The following DPP10 variants were observed in gnomAD, a reference collection of about 807,000 sequenced individuals.
DPP10 encodes the protein inactive dipeptidyl peptidase 10.
In DPP10, 33 loss-of-function variants were observed where a neutral mutation model predicts 120.9. The ratio of observed to expected loss-of-function variants is 0.27; its 90% confidence interval spans 0.21 to 0.37. The LOEUF (loss-of-function observed/expected upper bound fraction) is 0.37. Ranked by LOEUF, DPP10 falls within the 10% of genes least tolerant of loss-of-function variation. The pLI is 1.00. For missense variants in DPP10, 816 were observed against 942.8 expected (o/e 0.87, Z 1.76); for synonymous variants, 337 against 326.1 (o/e 1.03, Z -0.36).
intron 4 of DPP10, among the ~76,000 whole-genome samples, chr2:115,510,748 C>G (rs916636654): frequency 6.6e-6 from 1 of 152,098 alleles, no homozygotes; most frequent in Admixed American, 6.6e-5. Context: ...TAGTGCTACA[C>G]TAACAAGGTT....
chr2:115,179,487 A>G (rs1343190493), intron 1 of DPP10, among the ~76,000 whole-genome samples: 2 of 152,174 alleles, frequency 1.3e-5, no homozygotes, highest in African/African-American at 4.8e-5. Flanking sequence ...GCATTTCTTT[A>G]AACAATAGAC....
intron 1 of DPP10, among the ~76,000 whole-genome samples, chr2:114,764,349 A>T (rs1238769621): frequency 6.6e-6 from 1 of 151,296 alleles, no homozygotes; most frequent in Non-Finnish European, 1.5e-5. Context: ...TTATTTTGAA[A>T]AAAAAAAGAA....
chr2:115,694,643 G>T (rs1458706908), intron 7 of DPP10, among the ~76,000 whole-genome samples: 2 of 152,178 alleles, frequency 1.3e-5, no homozygotes, highest in African/African-American at 2.4e-5. Context: ...ATGGTAGAAA[G>T]AGAAGCACCA....
intron 1 of DPP10, among the ~76,000 whole-genome samples, chr2:115,303,665 T>G (rs1296640686): frequency 6.6e-6 from 1 of 151,976 alleles, no homozygotes; most frequent in Non-Finnish European, 1.5e-5. Flanking sequence ...CCTTTATTTT[T>G]TTTAACCTTG....
chr2:115,408,677 A>G (rs911274744), intron 3 of DPP10, among the ~76,000 whole-genome samples: 2 of 152,302 alleles, frequency 1.3e-5, no homozygotes, highest in African/African-American at 4.8e-5. Context: ...AATAGTTGGA[A>G]CATCTTCAAA....
intron 1 of DPP10, among the ~76,000 whole-genome samples, chr2:114,911,581 C>T (rs1349389921): frequency 6.6e-6 from 1 of 152,120 alleles, no homozygotes; most frequent in Non-Finnish European, 1.5e-5. Context: ...GAAGGGGGCT[C>T]TCTGGAGCAG....
chr2:114,504,979 G>C (rs1233231428), intron 1 of DPP10, among the ~76,000 whole-genome samples: 2 of 147,934 alleles, frequency 1.4e-5, no homozygotes, highest in Non-Finnish European at 3.0e-5. Context: ...TTGAACCGGG[G>C]AGGCAGAGGT....
intron 1 of DPP10, among the ~76,000 whole-genome samples, chr2:114,449,946 C>A (rs980583899): frequency 6.6e-6 from 1 of 151,984 alleles, no homozygotes; most frequent in African/African-American, 2.4e-5. Context: ...TCATCATGAA[C>A]CTTTACCAGG....
intron 1 of DPP10, among the ~76,000 whole-genome samples, chr2:114,483,804 T>A (rs939257678): frequency 2.6e-5 from 4 of 152,132 alleles, no homozygotes; most frequent in Non-Finnish European, 5.9e-5. Flanking sequence ...TTCACATTTT[T>A]AAAAATCTTG....
chr2:115,788,854 C>T (rs934942549), intron 17 of DPP10, among the ~76,000 whole-genome samples: 1 of 152,138 alleles, frequency 6.6e-6, no homozygotes, highest in Non-Finnish European at 1.5e-5. Context: ...CGGTGGCTCA[C>T]GCCTGTAATC....
chr2:115,537,633 A>G (rs531618156), intron 5 of DPP10, among the ~76,000 whole-genome samples: 75 of 143,894 alleles, frequency 5.2e-4, no homozygotes, highest in Middle Eastern at 4.1e-3. Flanking sequence ...GGGCAGTAGT[A>G]TATTAGGAAA....
At chr2:115,580,089 T>G (rs1479836623) in intron 5 of DPP10, 1 of 152,216 alleles carries the variant, frequency 6.6e-6, no homozygotes, top group African/African-American at 2.4e-5. Context: ...TTTCTGTTTC[T>G]GCCTTAGTTT....
chr2:115,735,653 TG>T (rs1232334886), intron 8 of DPP10, among the ~76,000 whole-genome samples: 1 of 149,124 alleles, frequency 6.7e-6, no homozygotes, highest in African/African-American at 2.5e-5. Flanking sequence ...CCTGAGTAAC[TG>T]GCATTACAGG....
chr2:115,733,851 A>G (rs1313747516), intron 8 of DPP10, among the ~76,000 whole-genome samples: 2 of 152,230 alleles, frequency 1.3e-5, no homozygotes, highest in African/African-American at 4.8e-5. Flanking sequence ...AAATCAGAGT[A>G]ATAAAAACGA....
At chr2:115,742,186 T>C (rs1313019710) in intron 9 of DPP10, among the ~76,000 whole-genome samples, 1 of 152,136 alleles carries the variant, frequency 6.6e-6, no homozygotes, top group East Asian at 1.9e-4. Context: ...TTTATACAAG[T>C]CACAGTTATT....
intron 5 of DPP10, among the ~76,000 whole-genome samples, chr2:115,616,732 T>A (rs2084533814): frequency 6.6e-6 from 1 of 152,100 alleles, no homozygotes; most frequent in South Asian, 2.1e-4. Flanking sequence ...CTTATTCCTT[T>A]GACAGTGACT....
chr2:115,099,695 T>C (rs2048585353), intron 1 of DPP10, among the ~76,000 whole-genome samples: 1 of 152,218 alleles, frequency 6.6e-6, no homozygotes, highest in Admixed American at 6.5e-5. Context: ...GATGTACTCA[T>C]ACACAATGGT....
intron 1 of DPP10, among the ~76,000 whole-genome samples, chr2:114,834,505 C>G (rs922492251): frequency 6.6e-6 from 1 of 150,788 alleles, no homozygotes; most frequent in African/African-American, 2.5e-5. Flanking sequence ...ATCTACGCAC[C>G]TATGTATATA....
intron 1 of DPP10, among the ~76,000 whole-genome samples, chr2:115,099,376 A>T (rs1353679755): frequency 6.6e-6 from 1 of 152,270 alleles, no homozygotes; most frequent in East Asian, 1.9e-4. Context: ...CCTTGTCCCC[A>T]TTGTGAAACA....
Sources: gnomAD v4.1 joint callset for allele counts (sites outside exome capture counted in the v4.1 genomes callset) on GRCh38, gnomAD v4.1.1 for gene constraint, MANE v1.5 for transcripts, NCBI Gene and HGNC (gene_info 2026-07-23, HGNC 2026-07-21) for gene names.